TNR: variants seen among roughly 807,000 people sequenced by gnomAD.
TNR encodes tenascin-R.
TNR carries 45 observed loss-of-function variants against 150.4 expected under a neutral mutation model. That is an observed-to-expected ratio of 0.30 (90% confidence interval 0.24 to 0.38). The LOEUF (loss-of-function observed/expected upper bound fraction) is 0.38. Among genes scored for constraint, TNR ranks in the 10% least tolerant of loss-of-function variants. TNR has a pLI of 1.00. For missense variants in TNR, 1,544 were observed against 1,759.1 expected, an observed-to-expected ratio of 0.88 and a Z score of 2.19; for synonymous variants, 687 against 678.4, an observed-to-expected ratio of 1.01 and a Z score of -0.20.
At chr1:175,496,443 T>C (rs971455545) in intron 2 of TNR, among the ~76,000 whole-genome samples, 12 of 152,202 alleles carry the variant, frequency 7.9e-5, no homozygotes, top group African/African-American at 2.9e-4. Flanking sequence ...CACGTACTCT[T>C]CTTGGTGACT....
chr1:175,492,920 ACTT>A (rs1658322396), intron 2 of TNR, among the ~76,000 whole-genome samples: 1 of 152,136 alleles, frequency 6.6e-6, no homozygotes, highest in South Asian at 2.1e-4. Context: ...ATCCTGATAG[ACTT>A]CTTGTTAATT....
intron 1 of TNR, among the ~76,000 whole-genome samples, chr1:175,666,368 C>T (rs1469754270): frequency 1.3e-5 from 2 of 152,132 alleles, no homozygotes; most frequent in Admixed American, 1.3e-4. Context: ...ACCAGGGCTC[C>T]CTGCATTCCC....
chr1:175,384,527 T>C (rs1038455956), intron 8 of TNR, among the ~76,000 whole-genome samples: 1 of 152,234 alleles, frequency 6.6e-6, no homozygotes, highest in Non-Finnish European at 1.5e-5. Flanking sequence ...ATTTTGTCAG[T>C]GTCTGTACTT....
intron 2 of TNR, among the ~76,000 whole-genome samples, chr1:175,472,530 CA>C (rs1398063851): frequency 6.6e-6 from 1 of 152,190 alleles, no homozygotes; most frequent in Non-Finnish European, 1.5e-5. Flanking sequence ...AGCATCACTA[CA>C]AACACGTGAG....
chr1:175,566,352 T>G (rs1221220118), intron 1 of TNR, among the ~76,000 whole-genome samples: 3 of 152,252 alleles, frequency 2.0e-5, no homozygotes, highest in Non-Finnish European at 4.4e-5. Context: ...ATGTTAAGTA[T>G]GATGGACGAG....
intron 2 of TNR, among the ~76,000 whole-genome samples, chr1:175,492,209 G>C (rs1208321724): frequency 1.3e-5 from 2 of 152,180 alleles, no homozygotes; most frequent in Non-Finnish European, 1.5e-5. Context: ...GAAAGCCCAA[G>C]TTTGTTTTGT....
At chr1:175,633,769 C>T (rs1044375125) in intron 1 of TNR, among the ~76,000 whole-genome samples, 2 of 152,048 alleles carry the variant, frequency 1.3e-5, no homozygotes, top group Non-Finnish European at 2.9e-5. Context: ...ATGCTCCAAT[C>T]CGCTGACATT....
intron 2 of TNR, among the ~76,000 whole-genome samples, chr1:175,497,772 C>T (rs1208696928): frequency 4.6e-5 from 7 of 152,112 alleles, no homozygotes. Flanking sequence ...ATGTTAAACA[C>T]CTCCTGGCTG....
At chr1:175,696,227 T>TGTTGTTGTTGTTG (rs1553254735) in intron 1 of TNR, among the ~76,000 whole-genome samples, 1 of 74,002 alleles carries the variant, frequency 1.4e-5, no homozygotes, top group African/African-American at 4.8e-5. Context: ...GTTTTTTTTT[T>TGTTGTTGTTGTTG]TTTTTTTTTT....
intron 18 of TNR, among the ~76,000 whole-genome samples, chr1:175,345,248 A>G (rs1277237872): frequency 6.6e-6 from 1 of 152,240 alleles, no homozygotes; most frequent in African/African-American, 2.4e-5. Context: ...TGGAGTAATC[A>G]CTGCCAATCC....
At chr1:175,708,509 A>G (rs191895429) in intron 1 of TNR, among the ~76,000 whole-genome samples, 1 of 152,202 alleles carries the variant, frequency 6.6e-6, no homozygotes, top group Admixed American at 6.5e-5. Context: ...TTTTCCACAC[A>G]CTTTTGGGTT....
Position 175,618,591 on chromosome 1 carries a change from C to A in TNR, c.-164-90222G>T, listed in dbSNP as rs559376259. On this transcript the variant is annotated intron_variant, in intron 1 of 22. Transcript: ENST00000367674. ...GAAACCATTTGTTCCCTCTGCCCAC[C>A]CTGCTGGTAGACACTCTCCTTAGCC... 4.6e-5 allele frequency among the ~76,000 whole-genome samples: 7 copies of A among 152,306 alleles called. No homozygotes were observed. The East Asian group carries it at 1.4e-3, about 29-fold the overall frequency.
intron 1 of TNR, among the ~76,000 whole-genome samples, chr1:175,712,235 C>T (rs575570576): frequency 1.2e-4 from 18 of 152,194 alleles, no homozygotes; most frequent in South Asian, 4.2e-4. Flanking sequence ...TGAGAACTTG[C>T]GTATCTTGCC....
In TNR at chr1:175,359,717, C is replaced by T; in HGVS notation, c.2869G>A (p.Val957Met). 1 of 1,612,224 alleles carries T rather than the reference C, an allele frequency of 6.2e-7. No homozygotes were observed. Among genetic ancestry groups the T allele is most frequent in the Non-Finnish European group, 8.5e-7 (1 of 1,179,024 alleles). ...GTGATATTGGTAGCAATCAGATCCA[C>T]AGGGTTGTCCATGGCTGAAACAGAA... ...TLVHTAMDNPVDLIATNITPT... is the reference protein window; with the variant it reads ...TLVHTAMDNPMDLIATNITPT... The change falls in exon 15 of 23, where the codon GTG (valine) becomes ATG (methionine). Residue 957 changes from valine to methionine, a missense_variant. Physicochemically the swap from Val to Met is conservative, Grantham distance 21 (BLOSUM62 1). This residue lies in a region of TNR where 1,254 missense variants were observed against 1,329.4 expected (regional missense o/e 0.94). Transcript: ENST00000367674.
intron 2 of TNR, among the ~76,000 whole-genome samples, chr1:175,484,316 G>A (rs1485688049): frequency 6.6e-6 from 1 of 151,614 alleles, no homozygotes; most frequent in African/African-American, 2.4e-5. Context: ...CTCCTTTTCT[G>A]TCTACACTCC....
intron 1 of TNR, among the ~76,000 whole-genome samples, chr1:175,660,484 T>A (rs1219388337): frequency 6.6e-6 from 1 of 152,222 alleles, no homozygotes; most frequent in Non-Finnish European, 1.5e-5. Flanking sequence ...AATCCTCTCA[T>A]CTTTCTGTGT....
intron 2 of TNR, 42 bp from the exon 3 acceptor site, chr1:175,406,819 T>A: frequency 6.8e-7 from 1 of 1,460,312 alleles, no homozygotes; most frequent in Non-Finnish European, 9.3e-7. Flanking sequence ...CTGAGACCTA[T>A]GCCTTGGCAC....
intron 2 of TNR, among the ~76,000 whole-genome samples, chr1:175,407,527 A>C (rs888626415): frequency 6.6e-6 from 1 of 152,240 alleles, no homozygotes; most frequent in Admixed American, 6.5e-5. Context: ...ACTCACTGGG[A>C]TGCAAATCAG....
At chr1:175,483,576 T>TGTTAGGA (rs1245201981) in intron 2 of TNR, among the ~76,000 whole-genome samples, 1 of 152,134 alleles carries the variant, frequency 6.6e-6, no homozygotes, top group East Asian at 1.9e-4. Context: ...AGGGCCTGGA[T>TGTTAGGA]GTTAGGAGTT....
Sources: gnomAD v4.1 joint callset for allele counts (sites outside exome capture counted in the v4.1 genomes callset) on GRCh38, gnomAD v4.1.1 for gene constraint, gnomAD v4.1.1 regional missense constraint, MANE v1.5 for transcripts, NCBI Gene and HGNC (gene_info 2026-07-23, HGNC 2026-07-21) for gene names.